SGCZ: variants seen among roughly 807,000 people sequenced by gnomAD.
SGCZ encodes the protein zeta-sarcoglycan.
In SGCZ, 40 loss-of-function variants were observed where a neutral mutation model predicts 41.3. That is an observed-to-expected ratio of 0.97 (90% CI 0.75 to 1.26). The LOEUF (loss-of-function observed/expected upper bound fraction) is 1.26. SGCZ is among the 50% of genes most tolerant of loss of function. The probability of loss-of-function intolerance (pLI) is 0.00; values close to 1 mark genes in which losing one functional copy is unlikely to be tolerated. For missense variants in SGCZ, 552 were observed against 369.8 expected (o/e 1.49, Z -4.04); for synonymous variants, 206 against 137.5 (o/e 1.50, Z -3.49).
In SGCZ at chr8:14,508,219, G is replaced by A. The variant is rs996775409; in HGVS notation, c.234+46513C>T. 2.0e-5 allele frequency among the ~76,000 whole-genome samples: 3 copies of A among 152,176 alleles called. No homozygotes were observed. In the South Asian group the frequency reaches 6.2e-4, roughly 32 times the overall value. On this transcript the variant is annotated intron_variant, in intron 2 of 7. Transcript: ENST00000382080. ...CACTGTCTCCCTCATTAGAATTGAA[G>A]TACCCTGAGACCAAGAATATTGGAC...
chr8:14,128,992 T>C lies in SGCZ; in HGVS notation c.548-20757A>G, dbSNP rs1392702269. On this transcript the variant is annotated intron_variant, in intron 5 of 7. Transcript: ENST00000382080. Reference sequence around the variant, plus strand: ...CCTATTTGGTACAGTGTACACTTTTTAGGTTATATGAGTACGCTAAAAGCC... The same window carrying C: ...CCTATTTGGTACAGTGTACACTTTTCAGGTTATATGAGTACGCTAAAAGCC... Among the ~76,000 whole-genome samples, 2 of 152,014 alleles carry C rather than the reference T, an allele frequency of 1.3e-5. 1 individual carries two copies. The highest frequency in any genetic ancestry group is 4.8e-5 in the African/African-American group (2 of 41,390).
chr8:15,153,727 C>T lies in SGCZ; in HGVS notation c.39+83858G>A, dbSNP rs190269993. Among the ~76,000 whole-genome samples, 26 of 152,170 alleles carry T rather than the reference C, an allele frequency of 1.7e-4. 1 individual carries two copies. The highest frequency in any genetic ancestry group is 5.8e-4 in the East Asian group (3 of 5,162). On this transcript the variant is annotated intron_variant, in intron 1 of 7. Coordinates refer to ENST00000382080, the MANE Select transcript of SGCZ (RefSeq NM_139167.4). ...GTGCCTGCCCCTACCGTGCCTTCCG[C>T]GAGGAAAAGTTTCTCCAAGCCTCCT...
Position 14,666,229 on chromosome 8 carries a change from G to T in SGCZ, c.40-111303C>A, listed in dbSNP as rs192399778. On this transcript the variant is annotated intron_variant, in intron 1 of 7. Transcript: ENST00000382080. ...CATCCTATTACTGAAATGTTTGTAGGGCATAAAAGGAATGCTGGCAGTGTG... is the reference window on the plus strand; with the variant it reads ...CATCCTATTACTGAAATGTTTGTAGTGCATAAAAGGAATGCTGGCAGTGTG... Among the ~76,000 whole-genome samples the T allele has an allele frequency of 3.7e-3, 569 of 152,190 alleles. 6 individuals carry two copies. The highest frequency in any genetic ancestry group is 0.013 in the African/African-American group (551 of 41,516).
intron 5 of SGCZ, among the ~76,000 whole-genome samples, chr8:14,160,554 C>T (rs565800265): frequency 2.0e-5 from 3 of 152,238 alleles, no homozygotes; most frequent in African/African-American, 7.2e-5. Flanking sequence ...ACAGAGAGGA[C>T]ATGTTAAGGT....
intron 1 of SGCZ, among the ~76,000 whole-genome samples, chr8:14,950,211 A>G (rs1337038135): frequency 6.6e-6 from 1 of 152,108 alleles, no homozygotes; most frequent in Non-Finnish European, 1.5e-5. Context: ...CATCTTGCAG[A>G]GAAAATGAAA....
At position 14,558,573 on chromosome 8, in the gene SGCZ, T is replaced by A. The variant is rs374946499; in HGVS notation, c.40-3647A>T. ...CTGGGTGACAGAATGAGAATGACTC[T>A]TAGAGAGAGAGAGAGAGAGAGAGAG... On this transcript the variant is annotated intron_variant, in intron 1 of 7. Coordinates refer to ENST00000382080, the MANE Select transcript of SGCZ (RefSeq NM_139167.4). Among the ~76,000 whole-genome samples, 11 of 24,856 alleles carry A rather than the reference T, an allele frequency of 4.4e-4. No homozygotes were observed. In the South Asian group the frequency reaches 0.014, roughly 32 times the overall value. The allele number at this position is 24,856 out of a possible 152,430, so 16.3% of individuals were successfully genotyped here.
At chr8:14,434,467 T>C (rs1418092754) in intron 2 of SGCZ, among the ~76,000 whole-genome samples, 1 of 152,204 alleles carries the variant, frequency 6.6e-6, no homozygotes, top group Non-Finnish European at 1.5e-5. Context: ...TTGGGTTCCA[T>C]ATGAATTTTA....
chr8:14,841,395 ATGT>A (rs997952036), intron 1 of SGCZ, among the ~76,000 whole-genome samples: 5 of 152,092 alleles, frequency 3.3e-5, no homozygotes, highest in African/African-American at 9.7e-5. Flanking sequence ...ATTCAGGGAA[ATGT>A]TGTAATGGGA....
chr8:14,575,181 T>C (rs1431169382), intron 1 of SGCZ, among the ~76,000 whole-genome samples: 3 of 152,224 alleles, frequency 2.0e-5, no homozygotes, highest in Non-Finnish European at 4.4e-5. Context: ...AATCAGTAGT[T>C]ACCTTTTAAG....
At chr8:14,664,872 A>G (rs1807857865) in intron 1 of SGCZ, among the ~76,000 whole-genome samples, 1 of 152,138 alleles carries the variant, frequency 6.6e-6, no homozygotes. Flanking sequence ...AAGCTCTCTG[A>G]CATATGGATT....
intron 2 of SGCZ, among the ~76,000 whole-genome samples, chr8:14,488,334 C>A (rs1009299713): frequency 9.2e-5 from 14 of 152,180 alleles, no homozygotes; most frequent in Non-Finnish European, 2.1e-4. Context: ...GTCCCATCGC[C>A]ACGGTTAAAG....
intron 1 of SGCZ, among the ~76,000 whole-genome samples, chr8:14,611,845 C>A (rs760375078): frequency 6.6e-6 from 1 of 151,864 alleles, no homozygotes; most frequent in Non-Finnish European, 1.5e-5. Flanking sequence ...ATTAAATGGG[C>A]AGAAAAAAAT....
intron 1 of SGCZ, among the ~76,000 whole-genome samples, chr8:14,710,550 T>C (rs1047634392): frequency 6.6e-6 from 1 of 152,102 alleles, no homozygotes; most frequent in Admixed American, 6.5e-5. Flanking sequence ...TTTTTCACTG[T>C]CTACGTGAGT....
At chr8:14,900,390 G>T (rs927057117) in intron 1 of SGCZ, among the ~76,000 whole-genome samples, 4 of 152,106 alleles carry the variant, frequency 2.6e-5, no homozygotes, top group Admixed American at 2.0e-4. Context: ...GAGGCTGAAA[G>T]CTACCCCACA....
intron 5 of SGCZ, among the ~76,000 whole-genome samples, chr8:14,143,165 T>C (rs911436045): frequency 6.6e-6 from 1 of 152,144 alleles, no homozygotes; most frequent in African/African-American, 2.4e-5. Context: ...GAGACCTTTC[T>C]CTATTTGACA....
chr8:15,025,316 G>C (rs946350321), intron 1 of SGCZ, among the ~76,000 whole-genome samples: 1 of 152,056 alleles, frequency 6.6e-6, no homozygotes, highest in Non-Finnish European at 1.5e-5. Flanking sequence ...ATTGAGACAA[G>C]GGAGACACAT....
intron 5 of SGCZ, among the ~76,000 whole-genome samples, chr8:14,145,785 G>A (rs1803504301): frequency 6.6e-6 from 1 of 152,146 alleles, no homozygotes; most frequent in African/African-American, 2.4e-5. Flanking sequence ...GAATCCTGGA[G>A]CTGAAAAATG....
At chr8:15,016,216 C>A (rs564203860) in intron 1 of SGCZ, among the ~76,000 whole-genome samples, 2 of 152,292 alleles carry the variant, frequency 1.3e-5, no homozygotes, top group East Asian at 3.9e-4. Flanking sequence ...CATTCCATCC[C>A]TTCCCATCCC....
chr8:14,135,153 T>C (rs1174828901), intron 5 of SGCZ, among the ~76,000 whole-genome samples: 1 of 152,202 alleles, frequency 6.6e-6, no homozygotes, highest in Admixed American at 6.5e-5. Context: ...TCTACTGTGT[T>C]TCCTAGAATA....
Sources: gnomAD v4.1 joint callset for allele counts (sites outside exome capture counted in the v4.1 genomes callset) on GRCh38, gnomAD v4.1.1 for gene constraint, MANE v1.5 for transcripts, NCBI Gene and HGNC (gene_info 2026-07-23, HGNC 2026-07-21) for gene names.